RNF130: variants seen among roughly 807,000 people sequenced by gnomAD.
RNF130 encodes ring finger protein 130.
Under a neutral mutation model 44.6 loss-of-function variants are expected in RNF130, and 21 were observed. That is an observed-to-expected ratio of 0.47 (90% CI 0.33 to 0.68). The LOEUF (loss-of-function observed/expected upper bound fraction) is 0.68. Ranked by LOEUF, RNF130 falls within the 30% of genes least tolerant of loss-of-function variation. The pLI is 0.02. For missense variants in RNF130, 479 were observed against 560.6 expected, an observed-to-expected ratio of 0.85 and a Z score of 1.47; for synonymous variants, 214 against 210.4, an observed-to-expected ratio of 1.02 and a Z score of -0.15.
rs116589847 is a variant in RNF130 at position 180,055,026 on chromosome 5, A to G, written c.248-14379T>C. ...AATGTATTTGAGTTTTTAAAAAATT[A>G]CTCTGCTGGTTATTGGTAACAAGAA... On this transcript the variant is annotated intron_variant, in intron 1 of 8. Coordinates refer to ENST00000521389, the MANE Select transcript of RNF130 (RefSeq NM_018434.6). 6.4e-3 allele frequency among the ~76,000 whole-genome samples: 972 copies of G among 152,134 alleles called. 12 individuals are homozygous for G. Among genetic ancestry groups the G allele is most frequent in the African/African-American group, 0.022 (918 of 41,502 alleles).
chr5:180,051,302 T>C (rs1764683910), intron 1 of RNF130, among the ~76,000 whole-genome samples: 1 of 149,076 alleles, frequency 6.7e-6, no homozygotes, highest in Non-Finnish European at 1.5e-5. Flanking sequence ...CAGGCTGGAA[T>C]GCAGTGGTGC....
chr5:179,922,333 G>A (rs1368991021), intron 7 of RNF130, among the ~76,000 whole-genome samples: 1 of 151,712 alleles, frequency 6.6e-6, no homozygotes, highest in Non-Finnish European at 1.5e-5. Flanking sequence ...TTTTTTTTGA[G>A]ACAGAGTCTT....
intron 7 of RNF130, among the ~76,000 whole-genome samples, chr5:179,946,632 C>A (rs1185659609): frequency 6.6e-6 from 1 of 151,412 alleles, no homozygotes; most frequent in Non-Finnish European, 1.5e-5. Context: ...TGGCTCACTG[C>A]AAGCTCCGCC....
intron 7 of RNF130, chr5:179,939,756 C>A (rs1761946309): frequency 6.8e-6 from 3 of 439,160 alleles, no homozygotes; most frequent in African/African-American, 2.1e-5. Flanking sequence ...AAACGACCCC[C>A]TCCCTTGGCG....
chr5:179,922,117 G>C (rs1420369297), intron 7 of RNF130, among the ~76,000 whole-genome samples: 1 of 151,808 alleles, frequency 6.6e-6, no homozygotes, highest in Non-Finnish European at 1.5e-5. Context: ...ACTTGACATG[G>C]TCAGTCTTGG....
At chr5:179,976,981 A>C (rs531806081) in intron 5 of RNF130, 1 of 152,296 alleles carries the variant, frequency 6.6e-6, no homozygotes. Context: ...GAGCCACAGG[A>C]GAAACCAACA....
At chr5:179,963,305 A>T (rs558905881) in intron 8 of RNF130, among the ~76,000 whole-genome samples, 166 bp downstream of exon 8, 1 of 152,358 alleles carries the variant, frequency 6.6e-6, no homozygotes, top group Non-Finnish European at 1.5e-5. Context: ...TGTGTTACTG[A>T]CTAAAAATAT....
At chr5:180,034,312 C>T (rs369243733) in intron 2 of RNF130, among the ~76,000 whole-genome samples, 2 of 151,650 alleles carry the variant, frequency 1.3e-5, no homozygotes, top group African/African-American at 2.4e-5. Flanking sequence ...TGCCTACATT[C>T]GTAAGGGATA....
exon 8 of RNF130, chr5:179,920,120 C>A: frequency 1.9e-6 from 1 of 515,916 alleles, no homozygotes; most frequent in Non-Finnish European, 3.5e-6. Context: ...TACCACAAGG[C>A]TCACCTGGGC....
chr5:180,026,970 T>C (rs1295449008), intron 2 of RNF130, among the ~76,000 whole-genome samples: 1 of 152,192 alleles, frequency 6.6e-6, no homozygotes, highest in Non-Finnish European at 1.5e-5. Context: ...GAGAGGGCTC[T>C]GAAGACTGCA....
chr5:180,067,989 T>C (rs1045860987), intron 1 of RNF130, among the ~76,000 whole-genome samples: 1 of 152,274 alleles, frequency 6.6e-6, no homozygotes, highest in African/African-American at 2.4e-5. Flanking sequence ...TGAGTTTTAT[T>C]GTATCCCTAA....
intron 7 of RNF130, among the ~76,000 whole-genome samples, chr5:179,926,827 G>A (rs544020956): frequency 6.6e-6 from 1 of 152,276 alleles, no homozygotes; most frequent in Admixed American, 6.5e-5. Flanking sequence ...TTGTGGGACT[G>A]AGCCCTCACC....
intron 2 of RNF130, among the ~76,000 whole-genome samples, chr5:180,024,032 C>T (rs955205754): frequency 9.2e-5 from 14 of 152,192 alleles, no homozygotes; most frequent in African/African-American, 3.4e-4. Context: ...TGTGGTCTTC[C>T]TCCCAAAAAC....
At chr5:179,968,293 AAAACAAAC>A (rs564860549) in intron 6 of RNF130, among the ~76,000 whole-genome samples, 2 of 143,290 alleles carry the variant, frequency 1.4e-5, no homozygotes, top group African/African-American at 2.5e-5. Context: ...AGACTGTCTC[AAAACAAAC>A]AAACAAACAA....
chr5:180,023,519 G>A (rs899389428), intron 2 of RNF130, among the ~76,000 whole-genome samples: 6 of 152,126 alleles, frequency 3.9e-5, no homozygotes, highest in African/African-American at 1.4e-4. Context: ...GTAAGAAAGT[G>A]CTCAAAAACT....
intron 3 of RNF130, among the ~76,000 whole-genome samples, chr5:179,998,749 T>C (rs888999343): frequency 2.0e-5 from 3 of 151,290 alleles, no homozygotes; most frequent in Non-Finnish European, 2.9e-5. Context: ...TTAAACCCAA[T>C]GTTTCTTTAT....
chr5:180,043,734 T>C (rs951837801), intron 1 of RNF130, among the ~76,000 whole-genome samples: 2 of 151,860 alleles, frequency 1.3e-5, no homozygotes, highest in Non-Finnish European at 2.9e-5. Context: ...AACAACAGCA[T>C]GATCAAAACA....
At chr5:179,946,842 C>T (rs2113686459) in intron 7 of RNF130, among the ~76,000 whole-genome samples, 1 of 152,338 alleles carries the variant, frequency 6.6e-6, no homozygotes, top group South Asian at 2.1e-4. Context: ...ACGTCAGCCA[C>T]CGCGCCCAGC....
chr5:179,917,577 T>A (rs1761571387), exon 8 of RNF130: 1 of 152,352 alleles, frequency 6.6e-6, no homozygotes. Context: ...GCTGCCCATG[T>A]GGCGACGTGT....
Sources: gnomAD v4.1 joint callset for allele counts (sites outside exome capture counted in the v4.1 genomes callset) on GRCh38, gnomAD v4.1.1 for gene constraint, MANE v1.5 for transcripts, NCBI Gene and HGNC (gene_info 2026-07-23, HGNC 2026-07-21) for gene names.